The following FERMT2 variants were observed in gnomAD, a reference collection of about 807,000 sequenced individuals.
FERMT2 encodes fermitin family homolog 2.
A neutral mutation model predicts 82.7 loss-of-function variants in FERMT2; 15 were observed. The ratio of observed to expected loss-of-function variants is 0.18; its 90% CI spans 0.12 to 0.28. The LOEUF is 0.28. FERMT2 is among the 10% of genes least tolerant of loss of function. The pLI, the probability that FERMT2 is intolerant of heterozygous loss-of-function variation, is 1.00. For synonymous variants in FERMT2, 274 were observed against 271.5 expected (o/e 1.01, Z -0.09); for missense variants, 645 against 809.4 (o/e 0.80, Z 2.46).
chr14:52,916,791 G>GT (rs1393311337), intron 3 of FERMT2, among the ~76,000 whole-genome samples: 11 of 152,144 alleles, frequency 7.2e-5, no homozygotes, highest in African/African-American at 2.4e-4. Context: ...AGGACAGAGG[G>GT]TATGTGGGAA....
intron 12 of FERMT2, chr14:52,861,058 G>C: frequency 6.8e-7 from 1 of 1,469,884 alleles, no homozygotes; most frequent in East Asian, 2.7e-5. Context: ...TGCGAGGAAA[G>C]AAAAAGGAAG....
chr14:52,927,038 C>T (rs983494827), intron 2 of FERMT2, among the ~76,000 whole-genome samples: 1 of 152,162 alleles, frequency 6.6e-6, no homozygotes, highest in Admixed American at 6.5e-5. Context: ...CTATCATTAA[C>T]ATTGCAAATT....
At chr14:52,872,770 C>A in intron 10 of FERMT2, 29 bp downstream of exon 10, 1 of 1,610,980 alleles carries the variant, frequency 6.2e-7, no homozygotes, top group Admixed American at 1.7e-5. Context: ...ATGCCACCAT[C>A]AACAACAGCC....
At chr14:52,923,797 A>G (rs1889098817) in intron 2 of FERMT2, among the ~76,000 whole-genome samples, 1 of 152,228 alleles carries the variant, frequency 6.6e-6, no homozygotes, top group African/African-American at 2.4e-5. Flanking sequence ...ATATAGAAAA[A>G]AAATTACACA....
intron 4 of FERMT2, 49 bp downstream of exon 4, chr14:52,893,244 C>T (rs761391658): frequency 1.4e-5 from 21 of 1,506,584 alleles, no homozygotes; most frequent in African/African-American, 4.3e-5. Flanking sequence ...GACAAAGGTA[C>T]ACAGTCCACA....
chr14:52,878,128 T>C (rs1455907314), intron 7 of FERMT2, among the ~76,000 whole-genome samples: 1 of 152,208 alleles, frequency 6.6e-6, no homozygotes, highest in African/African-American at 2.4e-5. Flanking sequence ...CACTAGTCTC[T>C]CTAAATCTTA....
At chr14:52,897,515 T>C (rs553982217) in intron 3 of FERMT2, among the ~76,000 whole-genome samples, 115 of 152,316 alleles carry the variant, frequency 7.6e-4, no homozygotes, top group East Asian at 3.1e-3. Context: ...TTAATTTGCA[T>C]GTAAAAATTA....
chr14:52,917,371 T>C (rs1413772216), intron 3 of FERMT2, among the ~76,000 whole-genome samples: 1 of 152,046 alleles, frequency 6.6e-6, no homozygotes, highest in Non-Finnish European at 1.5e-5. Context: ...AAAGGGAAGT[T>C]AGGATAATGA....
At chr14:52,925,714 T>C (rs374153416) in intron 2 of FERMT2, among the ~76,000 whole-genome samples, 3 of 152,100 alleles carry the variant, frequency 2.0e-5, no homozygotes, top group Non-Finnish European at 4.4e-5. Context: ...TCTCAACTCA[T>C]TGCAACCTCC....
intron 10 of FERMT2, among the ~76,000 whole-genome samples, chr14:52,869,236 A>G (rs2140080133): frequency 6.6e-6 from 1 of 152,322 alleles, no homozygotes; most frequent in South Asian, 2.1e-4. Flanking sequence ...AGTGACCCTA[A>G]TTAAGAGTTT....
At chr14:52,930,848 G>T (rs887617313) in intron 2 of FERMT2, among the ~76,000 whole-genome samples, 2 of 152,136 alleles carry the variant, frequency 1.3e-5, no homozygotes, top group South Asian at 2.1e-4. Flanking sequence ...TTGTAAAAAC[G>T]ATGTTTATAA....
At chr14:52,929,942 C>T (rs1351463582) in intron 2 of FERMT2, among the ~76,000 whole-genome samples, 1 of 152,046 alleles carries the variant, frequency 6.6e-6, no homozygotes, top group Non-Finnish European at 1.5e-5. Context: ...GCTGGGCAGG[C>T]AAGAAATATT....
At chr14:52,872,740 T>C (rs1885702434) in intron 10 of FERMT2, 59 bp downstream of exon 10, 25 of 1,566,900 alleles carry the variant, frequency 1.6e-5, no homozygotes, top group Non-Finnish European at 1.6e-5. Flanking sequence ...AGTGGCTCAT[T>C]GACTATTAGG....
In FERMT2 at chr14:52,875,791, C is replaced by T. The variant is rs1885917383; in HGVS notation, c.964-434G>A. On this transcript the variant is annotated intron_variant, in intron 7 of 14. Coordinates refer to ENST00000341590, the MANE Select transcript of FERMT2 (RefSeq NM_006832.3). ...GAACACTGAATGCTGTACACTGCTC[C>T]TATTACCCAGGAGAAAGTCATCATT... Among the ~76,000 whole-genome samples, 4 of 152,130 alleles carry T rather than the reference C, an allele frequency of 2.6e-5. 1 individual carries two copies. In the South Asian group the frequency reaches 8.3e-4, roughly 32 times the overall value.
intron 2 of FERMT2, among the ~76,000 whole-genome samples, chr14:52,923,993 GAA>G (rs1889109577): frequency 6.6e-6 from 1 of 152,156 alleles, no homozygotes; most frequent in South Asian, 2.1e-4. Flanking sequence ...TAGCATTCCT[GAA>G]GACTCAACAC....
intron 3 of FERMT2, among the ~76,000 whole-genome samples, chr14:52,912,851 C>A (rs976143339): frequency 7.2e-5 from 11 of 152,302 alleles, no homozygotes; most frequent in African/African-American, 2.4e-4. Context: ...ATAGGATTAA[C>A]TGATCCTTAT....
intron 3 of FERMT2, among the ~76,000 whole-genome samples, chr14:52,907,227 G>C (rs1888065943): frequency 6.6e-6 from 1 of 152,112 alleles, no homozygotes; most frequent in Non-Finnish European, 1.5e-5. Flanking sequence ...TGCACAGGCT[G>C]GTCTTGAACC....
chr14:52,887,231 G>A (rs540193501), intron 4 of FERMT2, among the ~76,000 whole-genome samples: 271 of 150,730 alleles, frequency 1.8e-3, no homozygotes, highest in Admixed American at 3.2e-3. Flanking sequence ...CCCACCTCCC[G>A]GGTTCAAGTG....
At chr14:52,917,609 C>A (rs1473439566) in intron 3 of FERMT2, among the ~76,000 whole-genome samples, 2 of 152,168 alleles carry the variant, frequency 1.3e-5, no homozygotes, top group African/African-American at 4.8e-5. Context: ...CCTCCTACAT[C>A]CCGAATCCCC....
Sources: gnomAD v4.1 joint callset for allele counts (sites outside exome capture counted in the v4.1 genomes callset) on GRCh38, gnomAD v4.1.1 for gene constraint, MANE v1.5 for transcripts, NCBI Gene and HGNC (gene_info 2026-07-23, HGNC 2026-07-21) for gene names.